Variants in NSMCE2 observed in about 807,000 individuals in gnomAD.
NSMCE2 encodes the protein NSE2 SUMO ligase component of SMC5/6 complex.
A neutral mutation model predicts 23.8 loss-of-function variants in NSMCE2; 24 were observed. The ratio of observed to expected loss-of-function variants is 1.01; its 90% CI spans 0.73 to 1.42. The LOEUF (loss-of-function observed/expected upper bound fraction) is 1.42, where lower values mean the gene tolerates loss of function less well. NSMCE2 is among the 40% of genes most tolerant of loss of function. The pLI, the probability that NSMCE2 is intolerant of heterozygous loss-of-function variation, is 0.00. For synonymous variants in NSMCE2, 92 were observed against 94.1 expected, an observed-to-expected ratio of 0.98 and a Z score of 0.13; for missense variants, 284 against 296.5, an observed-to-expected ratio of 0.96 and a Z score of 0.31.
At chr8:125,113,323 A>G (rs1163615581) in intron 3 of NSMCE2, among the ~76,000 whole-genome samples, 1 of 152,124 alleles carries the variant, frequency 6.6e-6, no homozygotes, top group Non-Finnish European at 1.5e-5. Context: ...CCTTGTCTCT[A>G]CAAACATTTT....
At chr8:125,322,289 G>T (rs922186071) in intron 5 of NSMCE2, among the ~76,000 whole-genome samples, 2 of 152,128 alleles carry the variant, frequency 1.3e-5, no homozygotes, top group Non-Finnish European at 2.9e-5. Context: ...GATCACTTGA[G>T]CCCAGGAATT....
At chr8:125,121,559 A>G (rs867924056) in intron 3 of NSMCE2, among the ~76,000 whole-genome samples, 4 of 152,346 alleles carry the variant, frequency 2.6e-5, no homozygotes, top group South Asian at 2.1e-4. Flanking sequence ...ATGTGTGCCA[A>G]ATGAGGAGAC....
At chr8:125,244,257 A>G (rs1825872944) in intron 5 of NSMCE2, among the ~76,000 whole-genome samples, 1 of 152,206 alleles carries the variant, frequency 6.6e-6, no homozygotes, top group Non-Finnish European at 1.5e-5. Context: ...TTAAAAAAAT[A>G]CAGGATAAAG....
chr8:125,147,995 A>G (rs994460781), intron 3 of NSMCE2, among the ~76,000 whole-genome samples: 1 of 152,074 alleles, frequency 6.6e-6, no homozygotes, highest in African/African-American at 2.4e-5. Flanking sequence ...GCCCCCTGCT[A>G]CAGCTGACCA....
At chr8:125,141,927 C>T (rs953241153) in intron 3 of NSMCE2, among the ~76,000 whole-genome samples, 2 of 152,114 alleles carry the variant, frequency 1.3e-5, no homozygotes, top group African/African-American at 4.8e-5. Flanking sequence ...AAATGAGTTT[C>T]TGAACTTGGG....
chr8:125,224,003 A>AT (rs917990079), intron 5 of NSMCE2, among the ~76,000 whole-genome samples: 2 of 151,794 alleles, frequency 1.3e-5, no homozygotes, highest in African/African-American at 2.4e-5. Context: ...TGCCTGGCTA[A>AT]TTTTTTTAAA....
chr8:125,210,890 G>A (rs536286033), intron 5 of NSMCE2, among the ~76,000 whole-genome samples: 9 of 151,812 alleles, frequency 5.9e-5, no homozygotes, highest in African/African-American at 9.7e-5. Context: ...CACTATGCCC[G>A]GCTAATTTTT....
chr8:125,162,763 C>A lies in NSMCE2; in HGVS notation c.264+11486C>A, dbSNP rs148780406. On this transcript the variant is annotated intron_variant, in intron 4 of 7. Transcript: ENST00000287437. Reference sequence around the variant, plus strand: ...ACAGGCTGATTTAAATTGGTGAACTCCTCTAAACCACCTAAACTTGGAATA... The same window carrying A: ...ACAGGCTGATTTAAATTGGTGAACTACTCTAAACCACCTAAACTTGGAATA... Among the ~76,000 whole-genome samples, 102 of 152,262 alleles carry A rather than the reference C, an allele frequency of 6.7e-4. No individual in the cohort carries two copies. In the East Asian group the frequency reaches 0.018, roughly 28 times the overall value.
chr8:125,308,262 G>T (rs1023689464), intron 5 of NSMCE2, among the ~76,000 whole-genome samples: 4 of 152,132 alleles, frequency 2.6e-5, no homozygotes, highest in African/African-American at 9.7e-5. Flanking sequence ...TGAGTCTCAG[G>T]CCTTTGCTCT....
At chr8:125,304,908 A>G (rs745701407) in intron 5 of NSMCE2, among the ~76,000 whole-genome samples, 19 of 150,752 alleles carry the variant, frequency 1.3e-4, no homozygotes, top group Non-Finnish European at 1.2e-4. Context: ...GAGAGAAAGA[A>G]AGGAAAGAGA....
chr8:125,102,983 G>T (rs1462746054), intron 3 of NSMCE2, among the ~76,000 whole-genome samples: 1 of 152,076 alleles, frequency 6.6e-6, no homozygotes, highest in African/African-American at 2.4e-5. Flanking sequence ...GATGTGATTT[G>T]CAGGCCGGGT....
At chr8:125,258,618 T>C (rs937407599) in intron 5 of NSMCE2, among the ~76,000 whole-genome samples, 3 of 152,110 alleles carry the variant, frequency 2.0e-5, no homozygotes, top group African/African-American at 7.2e-5. Flanking sequence ...TTTTTTATAA[T>C]GGCATGAGGG....
At chr8:125,136,187 G>T (rs1820058946) in intron 3 of NSMCE2, among the ~76,000 whole-genome samples, 1 of 152,100 alleles carries the variant, frequency 6.6e-6, no homozygotes, top group Non-Finnish European at 1.5e-5. Context: ...TATTATGGCA[G>T]GTTTTTGATA....
At chr8:125,158,451 A>G (rs1821435664) in intron 4 of NSMCE2, among the ~76,000 whole-genome samples, 1 of 152,206 alleles carries the variant, frequency 6.6e-6, no homozygotes, top group Non-Finnish European at 1.5e-5. Flanking sequence ...GGAGACACAC[A>G]GGAGCAGCAG....
intron 5 of NSMCE2, among the ~76,000 whole-genome samples, chr8:125,354,616 C>G (rs1449129934): frequency 6.6e-6 from 1 of 151,464 alleles, no homozygotes; most frequent in Non-Finnish European, 1.5e-5. Flanking sequence ...AATGCTCTGA[C>G]TGGTTATTCC....
chr8:125,194,655 G>A (rs1249371891), intron 5 of NSMCE2, among the ~76,000 whole-genome samples: 1 of 152,092 alleles, frequency 6.6e-6, no homozygotes, highest in Non-Finnish European at 1.5e-5. Context: ...GCTGGGATTA[G>A]TAAGCATATG....
chr8:125,329,725 A>G (rs1829802588), intron 5 of NSMCE2, among the ~76,000 whole-genome samples: 1 of 152,188 alleles, frequency 6.6e-6, no homozygotes, highest in African/African-American at 2.4e-5. Context: ...GGCAAATATC[A>G]GGCCAGTTTA....
chr8:125,233,019 G>A (rs1299361721), intron 5 of NSMCE2, among the ~76,000 whole-genome samples: 2 of 152,166 alleles, frequency 1.3e-5, no homozygotes, highest in African/African-American at 4.8e-5. Context: ...GCTTAGTTAC[G>A]CAATTGCCGG....
At chr8:125,302,903 C>G (rs563896994) in intron 5 of NSMCE2, among the ~76,000 whole-genome samples, 12 of 152,262 alleles carry the variant, frequency 7.9e-5, no homozygotes, top group African/African-American at 1.2e-4. Context: ...CCAAACAACT[C>G]TGGGAATCCG....
Sources: gnomAD v4.1 joint callset for allele counts (sites outside exome capture counted in the v4.1 genomes callset) on GRCh38, gnomAD v4.1.1 for gene constraint, MANE v1.5 for transcripts, NCBI Gene and HGNC (gene_info 2026-07-23, HGNC 2026-07-21) for gene names.